Variants in GFRA2 observed in about 807,000 individuals in gnomAD.
The protein encoded by GFRA2 is GDNF family receptor alpha 2, also known as GDNF family receptor alpha-2.
In GFRA2, 17 loss-of-function variants were observed where a neutral mutation model predicts 48.3. The ratio of observed to expected loss-of-function variants is 0.35; its 90% CI spans 0.24 to 0.53. The LOEUF is 0.53. Ranked by LOEUF, GFRA2 falls within the 20% of genes least tolerant of loss-of-function variation. The pLI is 0.93. For synonymous variants in GFRA2, 305 were observed against 257.2 expected, an observed-to-expected ratio of 1.19 and a Z score of -1.78; for missense variants, 660 against 637.3, an observed-to-expected ratio of 1.04 and a Z score of -0.38.
chr8:21,767,361 C>A (rs1420152340), intron 3 of GFRA2, among the ~76,000 whole-genome samples: 1 of 152,302 alleles, frequency 6.6e-6, no homozygotes, highest in Non-Finnish European at 1.5e-5. Flanking sequence ...ATATGCCATG[C>A]GTACTTACAC....
rs767631931 is a variant in GFRA2 at position 21,745,280 on chromosome 8, C to G, written c.794+5308G>C. Among the ~76,000 whole-genome samples the G allele has an allele frequency of 1.3e-4, 20 of 152,136 alleles. 1 individual carries two copies. The highest frequency in any genetic ancestry group is 5.9e-4 in the Admixed American group (9 of 15,268). ...CCACCAAGATTCCCCCTGCAGGAGG[C>G]CTGGGCATCTCTAGGCCAACTCCCT... On this transcript the variant is annotated intron_variant, in intron 4 of 8. Transcript: ENST00000524240.
chr8:21,725,048 C>A (rs1803794405), intron 4 of GFRA2, among the ~76,000 whole-genome samples: 1 of 152,232 alleles, frequency 6.6e-6, no homozygotes, highest in Non-Finnish European at 1.5e-5. Context: ...TTCCCCAAAC[C>A]CATCCTGCTT....
At chr8:21,753,916 C>T (rs977341942) in intron 3 of GFRA2, among the ~76,000 whole-genome samples, 9 of 152,238 alleles carry the variant, frequency 5.9e-5, no homozygotes, top group African/African-American at 1.2e-4. Context: ...TCCTGGAACA[C>T]GCCCATCACG....
intron 4 of GFRA2, among the ~76,000 whole-genome samples, chr8:21,714,283 A>C (rs1803225078): frequency 1.0e-5 from 1 of 98,822 alleles, no homozygotes; most frequent in African/African-American, 4.3e-5. Flanking sequence ...ACAGGGTCTC[A>C]CTCTGTCGCC....
At chr8:21,799,521 T>G (rs1033779265) in intron 2 of GFRA2, among the ~76,000 whole-genome samples, 81 of 152,310 alleles carry the variant, frequency 5.3e-4, no homozygotes, top group African/African-American at 1.9e-3. Context: ...TTTAAACATT[T>G]AAGTTCTTTT....
chr8:21,720,786 T>C (rs1056293547), intron 4 of GFRA2, among the ~76,000 whole-genome samples: 16 of 152,194 alleles, frequency 1.1e-4, no homozygotes, highest in African/African-American at 3.6e-4. Context: ...TTGTCCCAAC[T>C]CTAATCATGT....
chr8:21,804,768 C>A (rs1219186422), intron 2 of GFRA2, among the ~76,000 whole-genome samples: 1 of 152,180 alleles, frequency 6.6e-6, no homozygotes. Context: ...GAGTGTCTGG[C>A]CTGCTGGCTG....
rs1250984681 is a variant in GFRA2 at position 21,729,037 on chromosome 8, G to C, written c.794+21551C>G. 3.9e-5 allele frequency among the ~76,000 whole-genome samples: 6 copies of C among 152,370 alleles called. 1 individual carries two copies. The highest frequency in any genetic ancestry group is 1.2e-4 in the African/African-American group (5 of 41,602). Reference sequence around the variant, plus strand: ...CACCACATGGGGCAGTTCAAGACCAGAGCAGGACGGGGCCAACCCAGGCCT... The same window carrying C: ...CACCACATGGGGCAGTTCAAGACCACAGCAGGACGGGGCCAACCCAGGCCT... On this transcript the variant is annotated intron_variant, in intron 4 of 8. Transcript: ENST00000524240.
chr8:21,745,376 C>T (rs1804955799), intron 4 of GFRA2, among the ~76,000 whole-genome samples: 1 of 152,206 alleles, frequency 6.6e-6, no homozygotes, highest in Non-Finnish European at 1.5e-5. Flanking sequence ...AGCACTGCAG[C>T]ATGGGCATGC....
chr8:21,754,561 T>C (rs1805470433), intron 3 of GFRA2, among the ~76,000 whole-genome samples: 1 of 140,950 alleles, frequency 7.1e-6, no homozygotes, highest in South Asian at 2.2e-4. Context: ...CAGGCGGGAG[T>C]GCAATGGTGT....
At chr8:21,706,170 G>A (rs1191027423) in intron 4 of GFRA2, 129 bp from the exon 5 acceptor site, 2 of 657,306 alleles carry the variant, frequency 3.0e-6, no homozygotes, top group Admixed American at 2.4e-5. Flanking sequence ...GAAGAGGGAG[G>A]GGAGGAAAGT....
At chr8:21,773,583 A>G (rs1333770738) in intron 3 of GFRA2, among the ~76,000 whole-genome samples, 1 of 152,270 alleles carries the variant, frequency 6.6e-6, no homozygotes, top group African/African-American at 2.4e-5. Context: ...GAGATCTTAC[A>G]ATGGTTTATG....
intron 4 of GFRA2, among the ~76,000 whole-genome samples, chr8:21,715,339 C>T (rs1038632049): frequency 1.3e-5 from 2 of 152,274 alleles, no homozygotes; most frequent in South Asian, 4.1e-4. Context: ...GATGAAGTCT[C>T]GCTCTGTCAC....
Position 21,788,337 on chromosome 8 carries a change from G to A in GFRA2, c.-178C>T, listed in dbSNP as rs1318225178. 47 of 1,373,224 alleles carry A rather than the reference G, an allele frequency of 3.4e-5. No individual in the cohort carries two copies. The highest frequency in any genetic ancestry group is 4.1e-5 in the Non-Finnish European group (44 of 1,066,982). The allele number at this position is 1,373,224 out of a possible 1,614,324, so 85.1% of individuals were successfully genotyped here. A position where few individuals can be genotyped will look rare whatever the true frequency, so the allele number is the denominator to read the frequency against. ...CCTGCGATTCTCGCCTCTGGCTGGA[G>A]GGGGTGGGGTGAGAGGCGGGCGATG... On this transcript the variant is annotated 5_prime_UTR_variant, in exon 1 of 9. Transcript: ENST00000524240.
At chr8:21,766,144 C>T (rs1806139723) in intron 3 of GFRA2, among the ~76,000 whole-genome samples, 1 of 152,130 alleles carries the variant, frequency 6.6e-6, no homozygotes, top group Non-Finnish European at 1.5e-5. Flanking sequence ...CCACCCTCCA[C>T]GTGCAGGACC....
intron 4 of GFRA2, among the ~76,000 whole-genome samples, chr8:21,734,781 A>G (rs1029008735): frequency 7.2e-5 from 11 of 152,218 alleles, no homozygotes; most frequent in African/African-American, 2.7e-4. Flanking sequence ...CGTCTATCAG[A>G]TGAAATTCTG....
chr8:21,764,095 T>C (rs563494495), intron 3 of GFRA2, among the ~76,000 whole-genome samples: 1 of 152,286 alleles, frequency 6.6e-6, no homozygotes, highest in South Asian at 2.1e-4. Context: ...CTGTTTAAGC[T>C]GATTACCTTG....
chr8:21,699,202 T>C (rs188076660), intron 7 of GFRA2, among the ~76,000 whole-genome samples: 276 of 152,258 alleles, frequency 1.8e-3, no homozygotes, highest in African/African-American at 6.5e-3. Flanking sequence ...CACTGACCGG[T>C]CTCTCAGTCC....
intron 4 of GFRA2, among the ~76,000 whole-genome samples, chr8:21,749,366 G>A (rs188675385): frequency 1.4e-4 from 21 of 152,148 alleles, no homozygotes; most frequent in Admixed American, 3.9e-4. Flanking sequence ...ACCCTGTGAC[G>A]TGGGTATTTT....
Sources: gnomAD v4.1 joint callset for allele counts (sites outside exome capture counted in the v4.1 genomes callset) on GRCh38, gnomAD v4.1.1 for gene constraint, MANE v1.5 for transcripts, NCBI Gene and HGNC (gene_info 2026-07-23, HGNC 2026-07-21) for gene names.